Variants in ITGB3BP observed in about 807,000 individuals in gnomAD.
ITGB3BP encodes the protein centromere protein R.
A neutral mutation model predicts 29.1 loss-of-function variants in ITGB3BP; 27 were observed. The observed-to-expected ratio is 0.93, with a 90% confidence interval of 0.68 to 1.28. The LOEUF (loss-of-function observed/expected upper bound fraction) is 1.28, where lower values mean the gene tolerates loss of function less well. ITGB3BP is among the 50% of genes most tolerant of loss of function. ITGB3BP has a pLI of 0.00. For synonymous variants in ITGB3BP, 61 were observed against 61.4 expected, an observed-to-expected ratio of 0.99 and a Z score of 0.03; for missense variants, 192 against 200.2, an observed-to-expected ratio of 0.96 and a Z score of 0.25.
intron 8 of ITGB3BP, among the ~76,000 whole-genome samples, chr1:63,446,285 A>G (rs764796879): frequency 2.6e-5 from 4 of 152,206 alleles, no homozygotes; most frequent in Non-Finnish European, 4.4e-5. Context: ...CTTATTTGTT[A>G]TAATAAGCTA....
chr1:63,510,041 T>G (rs1463748948), intron 1 of ITGB3BP: 2 of 562,008 alleles, frequency 3.6e-6, no homozygotes, highest in Admixed American at 2.8e-5. Context: ...ATACAAAATA[T>G]TAGCCTAGCG....
At chr1:63,479,239 T>TC (rs923633536) in intron 3 of ITGB3BP, among the ~76,000 whole-genome samples, 6 of 152,158 alleles carry the variant, frequency 3.9e-5, no homozygotes, top group African/African-American at 7.2e-5. Flanking sequence ...AACAAGGGAT[T>TC]GGTGATACCG....
At chr1:63,495,814 A>G (rs1416874437) in intron 2 of ITGB3BP, among the ~76,000 whole-genome samples, 1 of 152,118 alleles carries the variant, frequency 6.6e-6, no homozygotes, top group Non-Finnish European at 1.5e-5. Context: ...CCTTTTAAAC[A>G]AGGATATATA....
intron 4 of ITGB3BP, among the ~76,000 whole-genome samples, chr1:63,473,094 C>T (rs576913543): frequency 6.6e-5 from 10 of 151,514 alleles, no homozygotes; most frequent in Non-Finnish European, 1.0e-4. Flanking sequence ...GGCCGCCCAT[C>T]GTCTGAGATG....
chr1:63,528,225 C>T (rs1646631018), upstream of ITGB3BP, among the ~76,000 whole-genome samples: 1 of 152,130 alleles, frequency 6.6e-6, no homozygotes. Context: ...GGTACATATA[C>T]ACAGTGGAGT....
intron 1 of ITGB3BP, among the ~76,000 whole-genome samples, chr1:63,522,023 G>A (rs1425986592): frequency 1.3e-5 from 2 of 152,058 alleles, no homozygotes; most frequent in Admixed American, 6.6e-5. Flanking sequence ...TTAATTCTGG[G>A]GAAAGGAAAA....
At chr1:63,481,447 A>G (rs1645435169) in intron 3 of ITGB3BP, among the ~76,000 whole-genome samples, 1 of 152,184 alleles carries the variant, frequency 6.6e-6, no homozygotes, top group African/African-American at 2.4e-5. Context: ...CCTTTATTTC[A>G]TTCCATTCTA....
chr1:63,482,681 C>A (rs913160668), intron 3 of ITGB3BP, among the ~76,000 whole-genome samples: 1 of 134,662 alleles, frequency 7.4e-6, no homozygotes, highest in Non-Finnish European at 1.5e-5. Context: ...GAGACAGAGT[C>A]TCACTTTGCC....
chr1:63,481,547 A>G (rs1052997820), intron 3 of ITGB3BP, among the ~76,000 whole-genome samples: 5 of 152,192 alleles, frequency 3.3e-5, no homozygotes, highest in Non-Finnish European at 5.9e-5. Flanking sequence ...AAAGTGACCA[A>G]ACACTTGTGT....
At chr1:63,510,875 A>G (rs984116530) in intron 1 of ITGB3BP, among the ~76,000 whole-genome samples, 2 of 152,308 alleles carry the variant, frequency 1.3e-5, no homozygotes, top group South Asian at 4.1e-4. Flanking sequence ...CACAATGACG[A>G]GAATATACTA....
At chr1:63,504,362 G>A (rs985342720) in intron 2 of ITGB3BP, among the ~76,000 whole-genome samples, 2 of 151,888 alleles carry the variant, frequency 1.3e-5, no homozygotes, top group Non-Finnish European at 1.5e-5. Flanking sequence ...CATTGATTTT[G>A]TATCCTGAGA....
chr1:63,465,290 T>A (rs1186139710), intron 4 of ITGB3BP, among the ~76,000 whole-genome samples: 2 of 152,182 alleles, frequency 1.3e-5, no homozygotes, highest in Admixed American at 6.5e-5. Flanking sequence ...GGGGGAGTGT[T>A]CAGGAATTCT....
At chr1:63,493,086 ACACGCG>A (rs989900498) in intron 2 of ITGB3BP, among the ~76,000 whole-genome samples, 1 of 134,490 alleles carries the variant, frequency 7.4e-6, no homozygotes, top group East Asian at 2.3e-4. Flanking sequence ...ACACACACAC[ACACGCG>A]CGCGCGCGCA....
At chr1:63,466,145 G>C (rs748708332) in intron 4 of ITGB3BP, among the ~76,000 whole-genome samples, 14 of 152,162 alleles carry the variant, frequency 9.2e-5, no homozygotes, top group Non-Finnish European at 2.1e-4. Flanking sequence ...CTTCCATGGA[G>C]CCATGGCATT....
Position 63,490,171 on chromosome 1 carries a change from A to T in ITGB3BP, c.96T>A (p.Tyr32Ter). Residue 32 changes from tyrosine (Y) to a stop codon, truncating the protein, a stop_gained, in exon 3 of 9, where the codon TAT (tyrosine) becomes TAA (stop). Transcript: ENST00000271002. LOFTEE classifies it high-confidence loss of function. ...KITRKKSVIT[Y>*]SPTTGTCQMS... ...TTTGACAAGTTCCAGTTGTTGGAGAATAAGTTATAACACTTTTCTTCCTTG... is the reference window on the plus strand; with the variant it reads ...TTTGACAAGTTCCAGTTGTTGGAGATTAAGTTATAACACTTTTCTTCCTTG... 1 of 1,597,122 alleles carries T rather than the reference A, an allele frequency of 6.3e-7. No individual in the cohort carries two copies. The highest frequency in any genetic ancestry group is 8.6e-7 in the Non-Finnish European group (1 of 1,165,530).
chr1:63,442,409 T>G (rs1272317870), intron 8 of ITGB3BP: 1 of 152,172 alleles, frequency 6.6e-6, no homozygotes, highest in Non-Finnish European at 1.5e-5. Flanking sequence ...CCTAATTTCA[T>G]GTAGTAGGGA....
chr1:63,486,837 T>C (rs1283815349), intron 3 of ITGB3BP, among the ~76,000 whole-genome samples: 2 of 151,998 alleles, frequency 1.3e-5, no homozygotes, highest in Non-Finnish European at 2.9e-5. Context: ...CACAATTTAC[T>C]TGAGAGACAC....
chr1:63,503,200 T>C (rs376843521), intron 2 of ITGB3BP, among the ~76,000 whole-genome samples: 1 of 152,092 alleles, frequency 6.6e-6, no homozygotes, highest in African/African-American at 2.4e-5. Flanking sequence ...TTTTAATGAT[T>C]GCCATTCTAA....
At chr1:63,523,054 C>T (rs1225323574) in intron 1 of ITGB3BP, 75 bp downstream of exon 1, 4 of 1,551,270 alleles carry the variant, frequency 2.6e-6, no homozygotes, top group South Asian at 2.2e-5. Flanking sequence ...ACGAGAAAGG[C>T]TACTGGGCCA....
Sources: allele counts gnomAD v4.1 joint callset (sites outside exome capture counted in the v4.1 genomes callset), GRCh38; gene constraint gnomAD v4.1.1; transcripts MANE v1.5; gene names NCBI Gene and HGNC (gene_info 2026-07-23, HGNC 2026-07-21).